Variants in POC1B observed in about 807,000 individuals in gnomAD.
POC1B encodes POC1 centriolar protein homolog B.
POC1B carries 44 observed loss-of-function variants against 60.6 expected under a neutral mutation model. That is an observed-to-expected ratio of 0.73 (90% confidence interval 0.57 to 0.93). POC1B has a LOEUF of 0.93. Ranked by LOEUF, POC1B falls within the 40% of genes least tolerant of loss-of-function variation. POC1B has a pLI of 0.00. For missense variants in POC1B, 555 were observed against 572.3 expected, an observed-to-expected ratio of 0.97 and a Z score of 0.31; for synonymous variants, 180 against 198.9, an observed-to-expected ratio of 0.90 and a Z score of 0.80.
At chr12:89,436,598 C>T (rs1204004883) in intron 10 of POC1B, among the ~76,000 whole-genome samples, 1 of 151,984 alleles carries the variant, frequency 6.6e-6, no homozygotes. Flanking sequence ...CCTGTAGTCC[C>T]AGCTATTTGG....
At chr12:89,469,003 A>G (rs1882788500) in intron 7 of POC1B, among the ~76,000 whole-genome samples, 1 of 152,196 alleles carries the variant, frequency 6.6e-6, no homozygotes, top group African/African-American at 2.4e-5. Flanking sequence ...AGTGGCTTAC[A>G]CTTGTAATCC....
At chr12:89,493,452 C>T (rs1869086655) in intron 3 of POC1B, among the ~76,000 whole-genome samples, 1 of 152,170 alleles carries the variant, frequency 6.6e-6, no homozygotes, top group Admixed American at 6.5e-5. Context: ...TTCCAGTGGT[C>T]TGTAGGGAGG....
chr12:89,434,958 A>G (rs1353843808), intron 10 of POC1B, among the ~76,000 whole-genome samples: 2 of 152,180 alleles, frequency 1.3e-5, no homozygotes, highest in East Asian at 3.9e-4. Context: ...TTTTTTCTAA[A>G]AAAACTTAGC....
chr12:89,476,697 A>AATAG (rs754459068), intron 4 of POC1B, among the ~76,000 whole-genome samples: 2,675 of 139,932 alleles, frequency 0.019, 30 homozygotes, highest in Middle Eastern at 0.025. Context: ...AGACTGTCTC[A>AATAG]ATAGATAGAT....
At chr12:89,409,409 G>T in the POC1B span, among the ~76,000 whole-genome samples, 1 of 152,126 alleles carries the variant, frequency 6.6e-6, no homozygotes, top group Non-Finnish European at 1.5e-5. Flanking sequence ...TTTTTGTCAG[G>T]TTTATCAAAG....
intron 2 of POC1B, among the ~76,000 whole-genome samples, chr12:89,506,202 A>C (rs1226404346): frequency 2.0e-5 from 3 of 152,074 alleles, no homozygotes; most frequent in African/African-American, 7.2e-5. Flanking sequence ...GTGAAATTAG[A>C]CTCACTGTGT....
rs540894706 is a variant in POC1B at position 89,446,218 on chromosome 12, T to A, written c.1113+13420A>T. On this transcript the variant is annotated intron_variant, in intron 10 of 11. Transcript: ENST00000313546. Reference sequence around the variant, plus strand: ...TGGCGATTCCTCAAGGATCTAGAACTAGAAATACCATTTGACCCAGCCATC... The same window carrying A: ...TGGCGATTCCTCAAGGATCTAGAACAAGAAATACCATTTGACCCAGCCATC... Among the ~76,000 whole-genome samples, 181 of 152,314 alleles carry A rather than the reference T, an allele frequency of 1.2e-3. 2 individuals carry two copies. Among genetic ancestry groups the A allele is most frequent in the African/African-American group, 4.2e-3 (174 of 41,568 alleles).
At chr12:89,415,579 C>G (rs976265220), downstream of POC1B, among the ~76,000 whole-genome samples, 6 of 151,592 alleles carry the variant, frequency 4.0e-5, no homozygotes, top group African/African-American at 1.5e-4. Flanking sequence ...GGAGGCGGAG[C>G]TTGCACTGAG....
At chr12:89,425,041 T>A in intron 11 of POC1B, 120 bp downstream of exon 11, 1 of 977,212 alleles carries the variant, frequency 1.0e-6, no homozygotes, top group Non-Finnish European at 1.5e-6. Flanking sequence ...CCACCTTGAG[T>A]TTGCTTTGCT....
intron 2 of POC1B, among the ~76,000 whole-genome samples, chr12:89,513,103 A>G (rs895326842): frequency 6.6e-6 from 1 of 152,194 alleles, no homozygotes; most frequent in Non-Finnish European, 1.5e-5. Flanking sequence ...GAAATTTGAG[A>G]AACACTGCAC....
intron 2 of POC1B, among the ~76,000 whole-genome samples, chr12:89,502,889 A>G (rs1869646930): frequency 6.6e-6 from 1 of 152,158 alleles, no homozygotes; most frequent in Non-Finnish European, 1.5e-5. Flanking sequence ...TTATAACATC[A>G]AAAATCTCCT....
intron 11 of POC1B, among the ~76,000 whole-genome samples, chr12:89,424,729 AT>A (rs1880685305): frequency 6.6e-6 from 1 of 152,218 alleles, no homozygotes; most frequent in Admixed American, 6.5e-5. Flanking sequence ...AAAAAAGTGG[AT>A]AATATTCTAA....
chr12:89,422,030 T>C (rs1160186711), intron 11 of POC1B, among the ~76,000 whole-genome samples: 1 of 140,832 alleles, frequency 7.1e-6, no homozygotes, highest in Non-Finnish European at 1.6e-5. Context: ...CTGCCTTCAT[T>C]CTTTTGTATC....
At chr12:89,454,774 T>C (rs562716138) in intron 10 of POC1B, among the ~76,000 whole-genome samples, 1 of 152,052 alleles carries the variant, frequency 6.6e-6, no homozygotes, top group East Asian at 1.9e-4. Flanking sequence ...ATTTTTTAGA[T>C]CTGTGAATTG....
chr12:89,523,993 A>G, intron 2 of POC1B: 6 of 1,613,882 alleles, frequency 3.7e-6, no homozygotes, highest in Non-Finnish European at 5.1e-6. Context: ...GTAAGTTTCA[A>G]GTTGTGTCTT....
At chr12:89,415,656 A>T (rs1437163096), downstream of POC1B, among the ~76,000 whole-genome samples, 4 of 151,554 alleles carry the variant, frequency 2.6e-5, no homozygotes, top group African/African-American at 9.7e-5. Flanking sequence ...AAAAAAAAAA[A>T]TAATAAAGAA....
intron 7 of POC1B, among the ~76,000 whole-genome samples, chr12:89,470,059 A>G (rs1305653836): frequency 3.9e-5 from 6 of 151,922 alleles, no homozygotes; most frequent in African/African-American, 1.5e-4. Context: ...TTTAGTAGAA[A>G]TGGGGTTTCA....
chr12:89,460,016 C>A, intron 9 of POC1B: 1 of 408,792 alleles, frequency 2.4e-6, no homozygotes, highest in Non-Finnish European at 4.7e-6. Flanking sequence ...AATGACCCAC[C>A]TCAAAAGATG....
chr12:89,416,718 A>C (rs1298215660), downstream of POC1B, among the ~76,000 whole-genome samples: 1 of 152,194 alleles, frequency 6.6e-6, no homozygotes, highest in African/African-American at 2.4e-5. Flanking sequence ...ATTTCTTAAG[A>C]CAAGCCAGAG....
Sources: allele counts gnomAD v4.1 joint callset (sites outside exome capture counted in the v4.1 genomes callset), GRCh38; gene constraint gnomAD v4.1.1; transcripts MANE v1.5; gene names NCBI Gene and HGNC (gene_info 2026-07-23, HGNC 2026-07-21).